GRB10: variants seen among roughly 807,000 people sequenced by gnomAD.
GRB10 encodes the protein growth factor receptor-bound protein 10.
Under a neutral mutation model 80.9 loss-of-function variants are expected in GRB10, and 20 were observed. The observed-to-expected ratio is 0.25, with a 90% CI of 0.17 to 0.36. The LOEUF is 0.36. Among genes scored for constraint, GRB10 ranks in the 10% least tolerant of loss-of-function variants. GRB10 has a pLI of 1.00. For synonymous variants in GRB10, 291 were observed against 291.5 expected (o/e 1.00, Z 0.02); for missense variants, 548 against 747.7 (o/e 0.73, Z 3.12).
At chr7:50,756,676 T>C (rs2075131389) in intron 2 of GRB10, among the ~76,000 whole-genome samples, 1 of 152,094 alleles carries the variant, frequency 6.6e-6, no homozygotes, top group Admixed American at 6.5e-5. Flanking sequence ...CACAGGTGGG[T>C]TCTAGGCATG....
At chr7:50,700,064 A>G (rs923166334) in intron 5 of GRB10, among the ~76,000 whole-genome samples, 1 of 150,172 alleles carries the variant, frequency 6.7e-6, no homozygotes, top group Non-Finnish European at 1.5e-5. Flanking sequence ...GCACGAACCC[A>G]GGTGGCAGAG....
chr7:50,595,167 T>TC (rs2046412983), intron 18 of GRB10, among the ~76,000 whole-genome samples: 1 of 152,078 alleles, frequency 6.6e-6, no homozygotes, highest in African/African-American at 2.4e-5. Context: ...ACCTTGATCC[T>TC]CCCCATCAGT....
intron 7 of GRB10, among the ~76,000 whole-genome samples, chr7:50,639,718 A>T (rs7792550): frequency 0.35 from 52,517 of 151,566 alleles, 9,264 homozygotes; most frequent in Middle Eastern, 0.52. Flanking sequence ...AGACCCTAAT[A>T]GGACTTTCCA....
At chr7:50,596,817 T>G (rs1374185696) in intron 17 of GRB10, among the ~76,000 whole-genome samples, 2 of 152,224 alleles carry the variant, frequency 1.3e-5, no homozygotes, top group Non-Finnish European at 2.9e-5. Flanking sequence ...TATTACAACC[T>G]TTCTACAACC....
intron 13 of GRB10, among the ~76,000 whole-genome samples, chr7:50,610,987 AT>A (rs1461396628): frequency 6.8e-6 from 1 of 147,764 alleles, no homozygotes; most frequent in Non-Finnish European, 1.5e-5. Flanking sequence ...TTCCTTTTTC[AT>A]TTCCTTTTTT....
intron 4 of GRB10, among the ~76,000 whole-genome samples, chr7:50,725,361 A>G (rs920270601): frequency 6.6e-6 from 1 of 152,184 alleles, no homozygotes; most frequent in South Asian, 2.1e-4. Flanking sequence ...CCTTCCAGCC[A>G]TGCTTCCTGT....
chr7:50,604,779 G>C (rs1236177313), intron 15 of GRB10: 1 of 340,128 alleles, frequency 2.9e-6, no homozygotes, highest in African/African-American at 2.1e-5. Context: ...CTGAAGTACA[G>C]AAAATGCCAG....
At chr7:50,660,693 G>A (rs1010298945) in intron 7 of GRB10, among the ~76,000 whole-genome samples, 2 of 152,166 alleles carry the variant, frequency 1.3e-5, no homozygotes, top group Non-Finnish European at 2.9e-5. Context: ...AAGGAAAGGA[G>A]TTAGAGATGC....
At chr7:50,783,863 CA>C (rs895250790), upstream of GRB10, among the ~76,000 whole-genome samples, 3 of 152,162 alleles carry the variant, frequency 2.0e-5, no homozygotes, top group Non-Finnish European at 4.4e-5. Flanking sequence ...TACCCTAGTC[CA>C]ACTGCTCGGA....
chr7:50,607,432 GCTA>G (rs1327145537), intron 13 of GRB10, among the ~76,000 whole-genome samples: 2 of 152,158 alleles, frequency 1.3e-5, no homozygotes, highest in Non-Finnish European at 2.9e-5. Flanking sequence ...CAGTGCTGCT[GCTA>G]CTGTGGCCCC....
chr7:50,779,663 C>G (rs957678795), intron 2 of GRB10: 1 of 152,226 alleles, frequency 6.6e-6, no homozygotes, highest in Non-Finnish European at 1.5e-5. Flanking sequence ...TCTCATCCCA[C>G]TTGAGTGCTG....
At chr7:50,688,189 C>G (rs1028231110) in intron 5 of GRB10, among the ~76,000 whole-genome samples, 1 of 152,212 alleles carries the variant, frequency 6.6e-6, no homozygotes, top group African/African-American at 2.4e-5. Flanking sequence ...ATGAGTAAAA[C>G]TTGATTCCTC....
chr7:50,737,614 C>T lies in GRB10; in HGVS notation c.-46-5246G>A, dbSNP rs564927883. On this transcript the variant is annotated intron_variant, in intron 3 of 18. Coordinates refer to ENST00000401949, the MANE Select transcript of GRB10 (RefSeq NM_001350814.2). ...CTGTAATCCCAACACTTCGGGAGGC[C>T]GAGGCAGGTGGATCACCTGAGGTCA... 1.4e-4 allele frequency among the ~76,000 whole-genome samples: 21 copies of T among 152,276 alleles called. No individual in the cohort carries two copies. In the East Asian group the frequency reaches 1.7e-3, roughly 13 times the overall value.
intron 12 of GRB10, among the ~76,000 whole-genome samples, chr7:50,613,312 G>A (rs2049920584): frequency 6.6e-6 from 1 of 152,006 alleles, no homozygotes. Flanking sequence ...GGCAACCCCT[G>A]AGGAGCTCAG....
At chr7:50,777,889 G>A (rs1433402750) in intron 2 of GRB10, among the ~76,000 whole-genome samples, 1 of 152,052 alleles carries the variant, frequency 6.6e-6, no homozygotes, top group Non-Finnish European at 1.5e-5. Context: ...CACAGGGAGG[G>A]GAATAACACA....
intron 7 of GRB10, among the ~76,000 whole-genome samples, chr7:50,635,965 T>TC (rs2054929673): frequency 9.7e-5 from 2 of 20,666 alleles, no homozygotes; most frequent in Admixed American, 4.7e-4. Flanking sequence ...TCCTTTCCTT[T>TC]TTTTTTTTTT....
upstream of GRB10, among the ~76,000 whole-genome samples, chr7:50,787,717 T>A (rs1260951303): frequency 6.6e-6 from 1 of 152,194 alleles, no homozygotes; most frequent in Non-Finnish European, 1.5e-5. Flanking sequence ...CGTCGCTCCA[T>A]CACCTCACTA....
intron 4 of GRB10, among the ~76,000 whole-genome samples, chr7:50,717,867 G>T (rs2067117535): frequency 6.6e-6 from 1 of 152,238 alleles, no homozygotes; most frequent in South Asian, 2.1e-4. Context: ...GCTGGTACCA[G>T]CTCCTGAAGG....
Position 50,791,363 on chromosome 7 carries a change from G to C in GRB10, c.-294+1861C>G, listed in dbSNP as rs547691591. ...CCAGACCAGGCAATCATCATTCTCCGAGTGTGTGACTGGCAGGCTATACAT... is the reference window on the plus strand; with the variant it reads ...CCAGACCAGGCAATCATCATTCTCCCAGTGTGTGACTGGCAGGCTATACAT... On this transcript the variant is annotated intron_variant, in intron 1 of 16. Transcript: ENST00000335866. 2.0e-5 allele frequency among the ~76,000 whole-genome samples: 3 copies of C among 152,146 alleles called. No homozygotes were observed. The South Asian group carries it at 6.2e-4, about 32-fold the overall frequency.
Sources: allele counts gnomAD v4.1 joint callset (sites outside exome capture counted in the v4.1 genomes callset), GRCh38; gene constraint gnomAD v4.1.1; transcripts MANE v1.5; gene names NCBI Gene and HGNC (gene_info 2026-07-23, HGNC 2026-07-21).